The following SPARCL1 variants were observed in gnomAD, a reference collection of about 807,000 sequenced individuals.
SPARCL1 encodes the protein SPARC like 1.
A neutral mutation model predicts 67.1 loss-of-function variants in SPARCL1; 52 were observed. The observed-to-expected ratio is 0.78, with a 90% CI of 0.62 to 0.98. SPARCL1 has a LOEUF of 0.98. SPARCL1 is among the 50% of genes least tolerant of loss of function. The probability of loss-of-function intolerance (pLI) is 0.00; values close to 1 mark genes in which losing one functional copy is unlikely to be tolerated. For missense variants in SPARCL1, 717 were observed against 782.4 expected (o/e 0.92, Z 1.00); for synonymous variants, 226 against 267.8 (o/e 0.84, Z 1.52).
intron 10 of SPARCL1, 141 bp downstream of exon 10, chr4:87,479,289 A>G: frequency 1.3e-6 from 1 of 788,192 alleles, no homozygotes; most frequent in Non-Finnish European, 2.1e-6. Flanking sequence ...GCACCAAGGG[A>G]GTCCTATCTG....
At position 87,494,953 on chromosome 4, in the gene SPARCL1, G is replaced by T. The variant is rs564864170; in HGVS notation, c.201+28C>A. 4.5e-6 allele frequency: 7 copies of T among 1,556,488 alleles called. No individual in the cohort carries two copies. In the South Asian group the frequency reaches 4.8e-5, roughly 11 times the overall value. ...AAGACCTTTGGAGAATTAAAAAATTGTATTAATATAAATGATGTTACTTTT... is the reference window on the plus strand; with the variant it reads ...AAGACCTTTGGAGAATTAAAAAATTTTATTAATATAAATGATGTTACTTTT... On this transcript the variant is annotated intron_variant, in intron 3 of 10. Coordinates refer to ENST00000282470, the MANE Select transcript of SPARCL1 (RefSeq NM_004684.6).
chr4:87,494,728 C>T (rs1724545769), intron 3 of SPARCL1, 130 bp from the exon 4 acceptor site: 1 of 923,588 alleles, frequency 1.1e-6, no homozygotes, highest in Non-Finnish European at 1.6e-6. Flanking sequence ...TAATATTCCT[C>T]ACACTCTGTA....
intron 7 of SPARCL1, among the ~76,000 whole-genome samples, chr4:87,487,129 G>A (rs1724110103): frequency 6.6e-6 from 1 of 151,686 alleles, no homozygotes; most frequent in South Asian, 2.1e-4. Flanking sequence ...ATTTGATCCT[G>A]TCATTATGAT....
intron 10 of SPARCL1, among the ~76,000 whole-genome samples, chr4:87,478,905 C>G (rs1471087833): frequency 6.6e-6 from 1 of 152,186 alleles, no homozygotes; most frequent in East Asian, 1.9e-4. Context: ...TCCCACAGCT[C>G]CCATTCATTG....
rs181712906 is a variant in SPARCL1, at chr4:87,486,416, G to C, written c.1532-3856C>G. ...AATCCTGAGTTCTAATTTGATTGCA[G>C]TGTGGTCTGAGAGACTGTTATGATT... On this transcript the variant is annotated intron_variant, in intron 7 of 10. Coordinates refer to ENST00000282470, the MANE Select transcript of SPARCL1 (RefSeq NM_004684.6). Among the ~76,000 whole-genome samples the C allele has an allele frequency of 3.4e-4, 52 of 152,162 alleles. No homozygotes were observed. In the East Asian group the frequency reaches 9.3e-3, roughly 27 times the overall value.
At chr4:87,496,207 CATT>C (rs1560820403) in intron 2 of SPARCL1, among the ~76,000 whole-genome samples, 1 of 151,726 alleles carries the variant, frequency 6.6e-6, no homozygotes, top group South Asian at 2.1e-4. Context: ...AATTAAAAAA[CATT>C]AATAAAATTA....
intron 7 of SPARCL1, among the ~76,000 whole-genome samples, chr4:87,488,118 C>T (rs1578098359): frequency 6.6e-6 from 1 of 152,168 alleles, no homozygotes; most frequent in Non-Finnish European, 1.5e-5. Flanking sequence ...ACTCATTCTC[C>T]ATCCACTTTT....
chr4:87,480,861 G>A (rs573800082), intron 8 of SPARCL1, among the ~76,000 whole-genome samples: 14 of 147,192 alleles, frequency 9.5e-5, no homozygotes, highest in Non-Finnish European at 1.6e-4. Context: ...TTAATGAAAA[G>A]GGCTGAATTG....
chr4:87,505,106 G>T lies in SPARCL1; in HGVS notation c.-11-5521C>A, dbSNP rs184913161. On this transcript the variant is annotated intron_variant, in intron 1 of 10. Transcript: ENST00000282470. ...TCTGGCTCTAGCAGTGTCCCTGACTGCCAGGAGACCTTGGGAAAGTCACTT... is the reference window on the plus strand; with the variant it reads ...TCTGGCTCTAGCAGTGTCCCTGACTTCCAGGAGACCTTGGGAAAGTCACTT... Among the ~76,000 whole-genome samples the T allele has an allele frequency of 3.2e-3, 483 of 152,282 alleles. 6 individuals are homozygous for T. The highest frequency in any genetic ancestry group is 2.0e-3 in the Non-Finnish European group (137 of 68,030).
intron 1 of SPARCL1, among the ~76,000 whole-genome samples, chr4:87,522,490 C>A (rs1725858267): frequency 6.6e-6 from 1 of 151,854 alleles, no homozygotes; most frequent in African/African-American, 2.4e-5. Flanking sequence ...AGATTTACAT[C>A]TTCCACTGCT....
At chr4:87,483,025 A>G (rs971557214) in intron 7 of SPARCL1, among the ~76,000 whole-genome samples, 7 of 152,036 alleles carry the variant, frequency 4.6e-5, no homozygotes, top group South Asian at 2.1e-4. Context: ...CAAGTCCAAT[A>G]CAAGTTGGCA....
At chr4:87,500,202 C>G (rs1724788347) in intron 1 of SPARCL1, among the ~76,000 whole-genome samples, 1 of 152,212 alleles carries the variant, frequency 6.6e-6, no homozygotes, top group Non-Finnish European at 1.5e-5. Context: ...CTCTTAGCAA[C>G]AACAGGTCTT....
In SPARCL1 at chr4:87,506,768, CTCTATCTATCTATCATCTATCTATCTA is replaced by C. The variant is rs1419361660; in HGVS notation, c.-11-7210_-11-7184del. ...TAAACTAAGTCCTCATTATCTATAT[CTCTATCTATCTATCATCTATCTATCTA>C]TCTATCTATCTATCTATCTATCTAT... is the stretch of plus-strand genomic sequence containing the variant. On this transcript the variant is annotated intron_variant, in intron 1 of 10. Coordinates refer to ENST00000282470, the MANE Select transcript of SPARCL1 (RefSeq NM_004684.6). Among the ~76,000 whole-genome samples the C allele has an allele frequency of 3.4e-3, 421 of 124,250 alleles. 1 individual carries two copies. The highest frequency in any genetic ancestry group is 5.5e-3 in the Non-Finnish European group (305 of 55,718). The allele number at this position is 124,250 out of a possible 152,430, so 81.5% of individuals were successfully genotyped here. A position where few individuals can be genotyped will look rare whatever the true frequency, so the allele number is the denominator to read the frequency against.
intron 10 of SPARCL1, among the ~76,000 whole-genome samples, chr4:87,479,107 G>C (rs1011881334): frequency 1.3e-5 from 2 of 152,172 alleles, no homozygotes; most frequent in Non-Finnish European, 2.9e-5. Context: ...GGTTAAGGTA[G>C]GATATGAAAT....
Position 87,480,470 on chromosome 4 carries a change from G to T in SPARCL1, c.1719C>A (p.Pro573=). ...DEKRLLAGDH[P]IDLLLRDFKK... is the part of the protein sequence containing the mutation. ...TAAAGTCCCTTAAGAGAAGATCAAT[G>T]GGATGGTCCCCAGCCAAAAGCCTCT... The change falls in exon 9 of 11, where the codon CCC becomes CCA. Residue 573 remains proline, a synonymous_variant. Coordinates refer to ENST00000282470, the MANE Select transcript of SPARCL1 (RefSeq NM_004684.6). 1 of 1,612,806 alleles carries T rather than the reference G, an allele frequency of 6.2e-7. No homozygotes were observed. Among genetic ancestry groups the T allele is most frequent in the Non-Finnish European group, 8.5e-7 (1 of 1,179,388 alleles).
intron 1 of SPARCL1, among the ~76,000 whole-genome samples, chr4:87,511,310 C>A (rs1184439937): frequency 6.6e-6 from 1 of 152,140 alleles, no homozygotes; most frequent in East Asian, 1.9e-4. Context: ...TCACATTTCT[C>A]ATATGAACAA....
intron 1 of SPARCL1, among the ~76,000 whole-genome samples, chr4:87,509,971 AAG>A (rs1442137063): frequency 6.6e-6 from 1 of 152,194 alleles, no homozygotes; most frequent in African/African-American, 2.4e-5. Flanking sequence ...GAGTGGAGAA[AAG>A]AGGGATAGAT....
Position 87,473,925 on chromosome 4 carries a change from A to C in SPARCL1, c.1967-122T>G, listed in dbSNP as rs1723456618. 4 of 624,458 alleles carry C rather than the reference A, an allele frequency of 6.4e-6. 1 individual carries two copies. In the East Asian group the frequency reaches 1.1e-4, roughly 17 times the overall value. 38.7% of individuals were successfully genotyped at this position (624,458 alleles called of 1,614,324 possible). Reference sequence around the variant, plus strand: ...TAAGGCAGTATAATGGTGATCCTCAACTTTGGTAGGACAGCAACATCACTC... The same window carrying C: ...TAAGGCAGTATAATGGTGATCCTCACCTTTGGTAGGACAGCAACATCACTC... On this transcript the variant is annotated intron_variant, in intron 10 of 10. Coordinates refer to ENST00000282470, the MANE Select transcript of SPARCL1 (RefSeq NM_004684.6).
chr4:87,508,006 A>G (rs1725174559), intron 1 of SPARCL1, among the ~76,000 whole-genome samples: 1 of 152,236 alleles, frequency 6.6e-6, no homozygotes, highest in Admixed American at 6.5e-5. Context: ...CCCTCCCCGG[A>G]ACACACCCTC....
Sources: allele counts gnomAD v4.1 joint callset (sites outside exome capture counted in the v4.1 genomes callset), GRCh38; gene constraint gnomAD v4.1.1; transcripts MANE v1.5; gene names NCBI Gene and HGNC (gene_info 2026-07-23, HGNC 2026-07-21).